NLGN1: variants seen among roughly 807,000 people sequenced by gnomAD.
NLGN1 encodes the protein neuroligin-1.
A neutral mutation model predicts 65.5 loss-of-function variants in NLGN1; 12 were observed. The ratio of observed to expected loss-of-function variants is 0.18; its 90% CI spans 0.12 to 0.30. The LOEUF (loss-of-function observed/expected upper bound fraction) is 0.30, where lower values mean the gene tolerates loss of function less well. Ranked by LOEUF, NLGN1 falls within the 10% of genes least tolerant of loss-of-function variation. The pLI is 1.00. For synonymous variants in NLGN1, 350 were observed against 359.5 expected (o/e 0.97, Z 0.30); for missense variants, 750 against 1,007.1 (o/e 0.74, Z 3.46).
chr3:174,077,129 C>G (rs1322045303), intron 4 of NLGN1, among the ~76,000 whole-genome samples: 1 of 151,664 alleles, frequency 6.6e-6, no homozygotes, highest in African/African-American at 2.4e-5. Context: ...CCTACTAAAT[C>G]AATACACTGA....
rs113656526 is a variant in NLGN1, at chr3:173,730,327, C to CA, written c.494-77353_494-77352insA. Reference sequence around the variant, plus strand: ...ACACACTACTGCCCCACCGCTCCCCCCCCCCCGCAAAAATAGAATGAAAGC... The same window carrying CA: ...ACACACTACTGCCCCACCGCTCCCCCACCCCCCGCAAAAATAGAATGAAAGC... On this transcript the variant is annotated intron_variant, in intron 3 of 6. Coordinates refer to ENST00000457714, the Ensembl canonical transcript of NLGN1. Among the ~76,000 whole-genome samples the CA allele has an allele frequency of 5.9e-3, 816 of 138,310 alleles. 88 individuals carry two copies. Among genetic ancestry groups the CA allele is most frequent in the African/African-American group, 0.021 (765 of 36,366 alleles). 90.7% of individuals were successfully genotyped at this position (138,310 alleles called of 152,430 possible).
chr3:174,151,304 T>C (rs965735864), intron 4 of NLGN1, among the ~76,000 whole-genome samples: 2 of 152,296 alleles, frequency 1.3e-5, no homozygotes, highest in African/African-American at 4.8e-5. Flanking sequence ...AAAAGGTTGC[T>C]ATCTGTTGAT....
At chr3:173,757,852 G>A (rs1407015059) in intron 3 of NLGN1, among the ~76,000 whole-genome samples, 2 of 151,952 alleles carry the variant, frequency 1.3e-5, no homozygotes, top group South Asian at 2.1e-4. Context: ...TCTGAAACTC[G>A]TTTTAAAATA....
At chr3:173,397,681 C>T (rs1214851193), upstream of NLGN1, 3 of 152,448 alleles carry the variant, frequency 2.0e-5, no homozygotes, top group African/African-American at 4.8e-5. Context: ...CGCTCCTCCC[C>T]GCCTCCCCGC....
In NLGN1 at chr3:173,833,180, C is replaced by T. The variant is rs986134655; in HGVS notation, c.646+25348C>T. The stretch of plus-strand genomic sequence containing the variant: ...TCATAGAGATTGGCAAAGTGCATTG[C>T]AAGAGATTGAACCAAATTACCTGCT... On this transcript the variant is annotated intron_variant, in intron 4 of 6. Coordinates refer to ENST00000457714, the Ensembl canonical transcript of NLGN1. 3.3e-5 allele frequency among the ~76,000 whole-genome samples: 5 copies of T among 152,242 alleles called. No homozygotes were observed. The East Asian group carries it at 9.7e-4, about 29-fold the overall frequency.
Position 174,280,742 on chromosome 3 carries a change from A to G in NLGN1, c.1911A>G (p.Arg637=). The change falls in exon 7 of 7, where the codon AGA becomes AGG. Residue 637 remains arginine, a synonymous_variant. Coordinates refer to ENST00000457714, the Ensembl canonical transcript of NLGN1. The surrounding 1 kb of genome is among the most constrained non-coding windows in gnomAD (Gnocchi z 4.9). ...TGCCATCAACTGACATCACTTTCAG[A>G]CCTACGAGAAAAAATTCTGTACCTG... The G allele has an allele frequency of 6.2e-7, 1 of 1,613,360 alleles. No homozygotes were observed. The highest frequency in any genetic ancestry group is 2.2e-5 in the East Asian group (1 of 44,816).
intron 4 of NLGN1, among the ~76,000 whole-genome samples, chr3:173,852,232 T>A (rs966158555): frequency 2.0e-5 from 3 of 150,438 alleles, no homozygotes; most frequent in South Asian, 2.1e-4. Context: ...AGCGGGCGCC[T>A]GTAGTCCCAG....
intron 2 of NLGN1, among the ~76,000 whole-genome samples, chr3:173,485,114 G>T: frequency 8.8e-6 from 1 of 113,382 alleles, no homozygotes; most frequent in East Asian, 2.3e-4. Flanking sequence ...GATGGCAGCA[G>T]GCAAAAAAAA....
chr3:173,494,448 A>G (rs1197670915), intron 2 of NLGN1, among the ~76,000 whole-genome samples: 3 of 151,392 alleles, frequency 2.0e-5, no homozygotes, highest in Admixed American at 1.3e-4. Context: ...TAACCCTTGG[A>G]CAGATATATA....
intron 2 of NLGN1, among the ~76,000 whole-genome samples, chr3:173,563,538 G>A (rs559127556): frequency 6.6e-6 from 1 of 152,212 alleles, no homozygotes; most frequent in East Asian, 1.9e-4. Context: ...TTGCAGACCC[G>A]CCAGCATTAC....
intron 3 of NLGN1, among the ~76,000 whole-genome samples, chr3:173,723,344 G>T (rs1204314902): frequency 6.6e-6 from 1 of 152,074 alleles, no homozygotes; most frequent in Non-Finnish European, 1.5e-5. Context: ...GAAAATGATG[G>T]CACAATACTT....
At chr3:173,832,708 C>T (rs914439329) in intron 4 of NLGN1, among the ~76,000 whole-genome samples, 2 of 152,138 alleles carry the variant, frequency 1.3e-5, no homozygotes, top group African/African-American at 4.8e-5. Context: ...CATCGTTATA[C>T]TTAACTAGTT....
chr3:174,194,447 CAAA>C (rs1263233084), intron 4 of NLGN1, among the ~76,000 whole-genome samples: 2 of 113,626 alleles, frequency 1.8e-5, no homozygotes, highest in Non-Finnish European at 3.7e-5. Flanking sequence ...GACTCCGTCT[CAAA>C]AAAAAAAAAG....
intron 2 of NLGN1, among the ~76,000 whole-genome samples, chr3:173,460,032 A>G (rs1723108286): frequency 6.6e-6 from 1 of 152,066 alleles, no homozygotes; most frequent in East Asian, 1.9e-4. Flanking sequence ...TACAATAAAC[A>G]ATAATTTTAA....
chr3:173,706,798 G>A (rs995362209), intron 3 of NLGN1, among the ~76,000 whole-genome samples: 3 of 152,218 alleles, frequency 2.0e-5, no homozygotes, highest in African/African-American at 7.2e-5. Context: ...TTTGGACAAA[G>A]ACACACATAC....
At chr3:174,068,037 T>C (rs1739023600) in intron 4 of NLGN1, among the ~76,000 whole-genome samples, 1 of 152,138 alleles carries the variant, frequency 6.6e-6, no homozygotes. Flanking sequence ...TATCATTCCT[T>C]CTAGCAATAA....
intron 2 of NLGN1, among the ~76,000 whole-genome samples, chr3:173,524,175 C>T (rs1263903346): frequency 6.6e-6 from 1 of 151,972 alleles, no homozygotes; most frequent in Non-Finnish European, 1.5e-5. Context: ...ATCTGCCCGC[C>T]TCAGCCTCCC....
intron 2 of NLGN1, among the ~76,000 whole-genome samples, chr3:173,583,000 G>C (rs377002148): frequency 6.6e-6 from 1 of 152,048 alleles, no homozygotes; most frequent in Non-Finnish European, 1.5e-5. Context: ...TCTTCCCTCA[G>C]TGCTTTCTGA....
At chr3:173,849,678 A>G (rs1257924382) in intron 4 of NLGN1, among the ~76,000 whole-genome samples, 2 of 152,182 alleles carry the variant, frequency 1.3e-5, no homozygotes. Flanking sequence ...ATAGTGTATT[A>G]TGATGAACAG....
Sources: allele counts gnomAD v4.1 joint callset (sites outside exome capture counted in the v4.1 genomes callset), GRCh38; gene constraint gnomAD v4.1.1; non-coding constraint Gnocchi (gnomAD v3.1); transcripts MANE v1.5; gene names NCBI Gene and HGNC (gene_info 2026-07-23, HGNC 2026-07-21).